The following COL22A1 variants were observed in gnomAD, a reference collection of about 807,000 sequenced individuals.
COL22A1 encodes collagen alpha-1(XXII) chain.
COL22A1 carries 221 observed loss-of-function variants against 248.9 expected under a neutral mutation model. That is an observed-to-expected ratio of 0.89 (90% CI 0.80 to 0.99). The LOEUF (loss-of-function observed/expected upper bound fraction) is 0.99. COL22A1 is among the 50% of genes least tolerant of loss of function. The pLI, the probability that COL22A1 is intolerant of heterozygous loss-of-function variation, is 0.00. For synonymous variants in COL22A1, 891 were observed against 793.4 expected, an observed-to-expected ratio of 1.12 and a Z score of -2.07; for missense variants, 2,240 against 2,179.0, an observed-to-expected ratio of 1.03 and a Z score of -0.56.
Position 138,635,063 on chromosome 8 carries a change from C to G in COL22A1, c.3556G>C (p.Gly1186Arg). The stretch of plus-strand genomic sequence containing the variant: ...ATGAAACCTGGAACTCCAGGATGAC[C>G]CTAGGAAAACACAAGATGCAATTCT... ...DGEVGQKGDQ[G>R]HPGVPGFMGP... The change falls in exon 49 of 65, where the codon GGT becomes CGT. Residue 1186 changes from glycine to arginine, a missense_variant and splice_region_variant. Physicochemically the swap from Gly to Arg is moderately radical, Grantham distance 125 (BLOSUM62 -2). Transcript: ENST00000303045. The G allele has an allele frequency of 6.2e-7, 1 of 1,606,082 alleles. No individual in the cohort carries two copies. Among genetic ancestry groups the G allele is most frequent in the Non-Finnish European group, 8.5e-7 (1 of 1,175,798 alleles).
chr8:138,769,902 A>C (rs1834221857), intron 16 of COL22A1, among the ~76,000 whole-genome samples: 1 of 152,194 alleles, frequency 6.6e-6, no homozygotes, highest in African/African-American at 2.4e-5. Context: ...CAGTCCCTTC[A>C]AAACACCAAC....
At chr8:138,739,657 T>C (rs10109866) in intron 22 of COL22A1, among the ~76,000 whole-genome samples, 103,810 of 152,104 alleles carry the variant, frequency 0.68, 38,372 homozygotes, top group South Asian at 0.84. Context: ...ACAGTGGACA[T>C]TCAATAGACA....
At chr8:138,597,079 A>T (rs1817606381) in intron 61 of COL22A1, 109 bp from the exon 62 acceptor site, 2 of 786,140 alleles carry the variant, frequency 2.5e-6, no homozygotes, top group Non-Finnish European at 4.4e-6. Flanking sequence ...ATACCCACAC[A>T]GGGAAGCACA....
At chr8:138,618,164 T>C (rs1564103114) in intron 53 of COL22A1, among the ~76,000 whole-genome samples, 1 of 152,176 alleles carries the variant, frequency 6.6e-6, no homozygotes. Context: ...TGGGAGCTAT[T>C]ATGACTGCCA....
At position 138,694,487 on chromosome 8, in the gene COL22A1, G is replaced by A. The variant is rs751758950; in HGVS notation, c.2700+21C>T. 1.2e-5 allele frequency: 19 copies of A among 1,612,580 alleles called. No individual in the cohort carries two copies. In the Admixed American group the frequency reaches 2.8e-4, roughly 24 times the overall value. ...GATCTCCAAGTCTCTGAGCCAGCAGGGGAAGGGATGGTTTTCTTACCGGTG... is the reference window on the plus strand; with the variant it reads ...GATCTCCAAGTCTCTGAGCCAGCAGAGGAAGGGATGGTTTTCTTACCGGTG... On this transcript the variant is annotated intron_variant, in intron 34 of 64. Transcript: ENST00000303045.
intron 3 of COL22A1, among the ~76,000 whole-genome samples, chr8:138,862,026 T>TAAAAAAAAAA (rs386414193): frequency 6.4e-3 from 587 of 91,272 alleles, no homozygotes; most frequent in East Asian, 9.2e-3. Context: ...CTGTCTCTAC[T>TAAAAAAAAAA]AAAAAAAAAA....
At chr8:138,675,949 C>T (rs1825471351) in intron 41 of COL22A1, among the ~76,000 whole-genome samples, 1 of 152,136 alleles carries the variant, frequency 6.6e-6, no homozygotes, top group Non-Finnish European at 1.5e-5. Context: ...TTTCTAGAGG[C>T]ATTCAGGTGG....
chr8:138,641,348 G>T (rs1178041283), intron 47 of COL22A1, among the ~76,000 whole-genome samples: 3 of 152,076 alleles, frequency 2.0e-5, no homozygotes, highest in Non-Finnish European at 4.4e-5. Flanking sequence ...CCCCCTTTAG[G>T]TCCTATTACT....
chr8:138,655,437 C>T (rs1358744369), intron 45 of COL22A1, among the ~76,000 whole-genome samples: 1 of 152,194 alleles, frequency 6.6e-6, no homozygotes, highest in African/African-American at 2.4e-5. Context: ...TGGCTCACTG[C>T]AGCCTCTACC....
chr8:138,590,876 C>G (rs973760016), intron 64 of COL22A1, among the ~76,000 whole-genome samples: 1 of 152,170 alleles, frequency 6.6e-6, no homozygotes, highest in Non-Finnish European at 1.5e-5. Context: ...ATCCTCTGTT[C>G]CCAGAAACAT....
At chr8:138,772,068 T>G (rs1834413157) in intron 16 of COL22A1, among the ~76,000 whole-genome samples, 1 of 150,582 alleles carries the variant, frequency 6.6e-6, no homozygotes, top group Non-Finnish European at 1.5e-5. Flanking sequence ...ACTCCCAGGG[T>G]TTCGTCTAAC....
rs190392813 is a variant in COL22A1, at chr8:138,708,716, C to T, written c.2518-5369G>A. Reference sequence around the variant, plus strand: ...AAAACCTAGGCAATACCATTCAGGACACAGGCATGGGCAAGGACTTCATGA... The same window carrying T: ...AAAACCTAGGCAATACCATTCAGGATACAGGCATGGGCAAGGACTTCATGA... On this transcript the variant is annotated intron_variant, in intron 30 of 64. Transcript: ENST00000303045. Among the ~76,000 whole-genome samples the T allele has an allele frequency of 4.1e-4, 63 of 152,294 alleles. No individual in the cohort carries two copies. In the East Asian group the frequency reaches 0.012, roughly 29 times the overall value.
At chr8:138,706,435 G>A (rs907188435) in intron 30 of COL22A1, among the ~76,000 whole-genome samples, 9 of 152,130 alleles carry the variant, frequency 5.9e-5, no homozygotes, top group Admixed American at 1.3e-4. Context: ...ATAACAAACT[G>A]TCTCTCAGAC....
chr8:138,670,629 T>C (rs1205661778), intron 41 of COL22A1, among the ~76,000 whole-genome samples: 6 of 152,030 alleles, frequency 3.9e-5, no homozygotes, highest in African/African-American at 1.5e-4. Flanking sequence ...AGGCTGGACA[T>C]GGAAGTCAAT....
Position 138,877,762 on chromosome 8 carries a change from G to T in COL22A1, c.646C>A (p.Arg216Ser), listed in dbSNP as rs764820251. 4.4e-6 allele frequency: 7 copies of T among 1,586,384 alleles called. No individual in the cohort carries two copies. The highest frequency in any genetic ancestry group is 2.3e-5 in the East Asian group (1 of 44,328). The change falls in exon 3 of 65, where the codon CGT becomes AGT. Residue 216 changes from arginine (R) to serine (S), a missense_variant. Arg to Ser is a moderately radical substitution (Grantham distance 110). Transcript: ENST00000303045. ...IDKIRGKLRR[R>S]LCENVLCPSV... ...CGGGCGCACTCACTTTCACAAAGAC[G>T]GCGCCGCAGCTTGCCCCGGATCTTG... is the stretch of plus-strand genomic sequence containing the variant.
At chr8:138,682,902 T>A (rs1222436772) in intron 39 of COL22A1, among the ~76,000 whole-genome samples, 1 of 152,158 alleles carries the variant, frequency 6.6e-6, no homozygotes, top group African/African-American at 2.4e-5. Flanking sequence ...GGTTTCACCA[T>A]GTTGGCCAGG....
chr8:138,680,214 G>T (rs973676812), intron 39 of COL22A1, among the ~76,000 whole-genome samples: 5 of 152,212 alleles, frequency 3.3e-5, no homozygotes, highest in Non-Finnish European at 7.3e-5. Context: ...GAAGAGATGT[G>T]GGAGGAAGGA....
At chr8:138,602,296 C>G in intron 59 of COL22A1, 137 bp from the exon 60 acceptor site, 3 of 781,880 alleles carry the variant, frequency 3.8e-6, no homozygotes, top group Non-Finnish European at 6.3e-6. Context: ...GGGCTCCTTT[C>G]TGATTTATGC....
chr8:138,784,960 T>C (rs1815384622), intron 12 of COL22A1, among the ~76,000 whole-genome samples: 1 of 152,180 alleles, frequency 6.6e-6, no homozygotes, highest in Non-Finnish European at 1.5e-5. Flanking sequence ...CTCACATCAG[T>C]TCCCTGGTTG....
Sources: gnomAD v4.1 joint callset for allele counts (sites outside exome capture counted in the v4.1 genomes callset) on GRCh38, gnomAD v4.1.1 for gene constraint, MANE v1.5 for transcripts, NCBI Gene and HGNC (gene_info 2026-07-23, HGNC 2026-07-21) for gene names.